The following GUCY1A2 variants were observed in gnomAD, a reference collection of about 807,000 sequenced individuals.
The protein encoded by GUCY1A2 is guanylate cyclase soluble subunit alpha-2.
GUCY1A2 carries 27 observed loss-of-function variants against 63.5 expected under a neutral mutation model. The ratio of observed to expected loss-of-function variants is 0.43; its 90% CI spans 0.31 to 0.59. The LOEUF is 0.59. GUCY1A2 is among the 20% of genes least tolerant of loss of function. The pLI is 0.11. For missense variants in GUCY1A2, 768 were observed against 913.3 expected (o/e 0.84, Z 2.05); for synonymous variants, 364 against 343.5 (o/e 1.06, Z -0.66).
intron 6 of GUCY1A2, among the ~76,000 whole-genome samples, chr11:106,720,604 G>A (rs1195531552): frequency 2.0e-5 from 3 of 151,976 alleles, no homozygotes; most frequent in Non-Finnish European, 4.4e-5. Flanking sequence ...TGATTAAATA[G>A]TCATGCAGTG....
At position 106,713,537 on chromosome 11, in the gene GUCY1A2, C is replaced by T. The variant is rs1412777122; in HGVS notation, c.1837-4871G>A. ...TTTTTTTTTTTTTGAGACGGAGTCT[C>T]GTCCTGTTGCCCAGGCTGGAGTGCA... On this transcript the variant is annotated intron_variant, in intron 6 of 7. Coordinates refer to ENST00000526355, the MANE Select transcript of GUCY1A2 (RefSeq NM_000855.3). Among the ~76,000 whole-genome samples the T allele has an allele frequency of 8.6e-5, 10 of 116,714 alleles. No individual in the cohort carries two copies. The East Asian group carries it at 2.2e-3, about 25-fold the overall frequency. 76.6% of individuals were successfully genotyped at this position (116,714 alleles called of 152,430 possible). A position where few individuals can be genotyped will look rare whatever the true frequency, so the allele number is the denominator to read the frequency against.
At chr11:106,755,723 G>T (rs968110276) in intron 6 of GUCY1A2, among the ~76,000 whole-genome samples, 6 of 152,040 alleles carry the variant, frequency 3.9e-5, no homozygotes, top group African/African-American at 1.4e-4. Flanking sequence ...AGTTTGTTGT[G>T]ATTTCTGTTC....
chr11:106,735,249 A>T (rs1480164574), intron 6 of GUCY1A2, among the ~76,000 whole-genome samples: 1 of 152,096 alleles, frequency 6.6e-6, no homozygotes, highest in African/African-American at 2.4e-5. Flanking sequence ...GTATCTAAGT[A>T]TATTGTTGTA....
intron 4 of GUCY1A2, among the ~76,000 whole-genome samples, chr11:106,929,449 C>T (rs1240535362): frequency 6.6e-6 from 1 of 152,152 alleles, no homozygotes; most frequent in Non-Finnish European, 1.5e-5. Flanking sequence ...TTCTAAATCT[C>T]TCTACTCCAC....
At chr11:107,000,089 T>C (rs1861593121) in intron 1 of GUCY1A2, among the ~76,000 whole-genome samples, 1 of 152,160 alleles carries the variant, frequency 6.6e-6, no homozygotes, top group African/African-American at 2.4e-5. Context: ...TCCCATCCAT[T>C]CTCCTTCAGC....
At chr11:106,780,868 C>T (rs1206940271) in intron 5 of GUCY1A2, among the ~76,000 whole-genome samples, 1 of 152,046 alleles carries the variant, frequency 6.6e-6, no homozygotes, top group African/African-American at 2.4e-5. Flanking sequence ...ACACAACAGT[C>T]TTAATGCAGC....
At chr11:106,805,738 G>A (rs7114133) in intron 5 of GUCY1A2, among the ~76,000 whole-genome samples, 21,331 of 152,060 alleles carry the variant, frequency 0.14, 1,513 homozygotes, top group Middle Eastern at 0.18. Flanking sequence ...TTCTAACAAA[G>A]AGAAAAGATG....
In GUCY1A2 at chr11:106,760,109, G is replaced by A. The variant is rs894900641; in HGVS notation, c.1836+16330C>T. 1.8e-4 allele frequency among the ~76,000 whole-genome samples: 27 copies of A among 152,064 alleles called. 1 individual carries two copies. Among genetic ancestry groups the A allele is most frequent in the Non-Finnish European group, 5.9e-5 (4 of 68,028 alleles). ...AATAAAACATGTCTTCAAATAAAAC[G>A]GCCAACACGTTGATCTCGGGATTCT... On this transcript the variant is annotated intron_variant, in intron 6 of 7. Coordinates refer to ENST00000526355, the MANE Select transcript of GUCY1A2 (RefSeq NM_000855.3).
At chr11:106,942,215 C>T (rs1302847235) in intron 3 of GUCY1A2, among the ~76,000 whole-genome samples, 1 of 152,050 alleles carries the variant, frequency 6.6e-6, no homozygotes, top group African/African-American at 2.4e-5. Context: ...GCTGTTTTTC[C>T]TTTAATTTGA....
intron 4 of GUCY1A2, among the ~76,000 whole-genome samples, chr11:106,931,717 A>G (rs768576251): frequency 5.9e-5 from 9 of 152,238 alleles, no homozygotes; most frequent in Non-Finnish European, 1.0e-4. Context: ...ATGATGGCAA[A>G]CCAAAAGAAA....
intron 5 of GUCY1A2, among the ~76,000 whole-genome samples, chr11:106,797,474 A>T (rs1269112289): frequency 1.3e-5 from 2 of 152,202 alleles, no homozygotes; most frequent in African/African-American, 4.8e-5. Context: ...TCAACAAAAT[A>T]TACATTCTTC....
rs1332546414 is a variant in GUCY1A2, at chr11:106,776,705, A to G, written c.1693-123T>C. 4.7e-6 allele frequency: 4 copies of G among 844,426 alleles called. No individual in the cohort carries two copies. The African/African-American group carries it at 5.0e-5, about 11-fold the overall frequency. The allele number at this position is 844,426 out of a possible 1,614,324, so 52.3% of individuals were successfully genotyped here. A position where few individuals can be genotyped will look rare whatever the true frequency, so the allele number is the denominator to read the frequency against. On this transcript the variant is annotated intron_variant, in intron 5 of 7. Coordinates refer to ENST00000526355, the MANE Select transcript of GUCY1A2 (RefSeq NM_000855.3). ...CGGCAAAACATCAATAAATTAAGCA[A>G]TTAGACTACTGTTTATAATCACAGC...
intron 1 of GUCY1A2, among the ~76,000 whole-genome samples, chr11:106,999,322 T>C (rs1460163077): frequency 2.0e-5 from 3 of 152,196 alleles, no homozygotes; most frequent in Admixed American, 2.0e-4. Context: ...GTAACCTTAA[T>C]CCATAATATA....
At chr11:106,856,975 G>A (rs1859445196) in intron 4 of GUCY1A2, among the ~76,000 whole-genome samples, 1 of 152,130 alleles carries the variant, frequency 6.6e-6, no homozygotes, top group South Asian at 2.1e-4. Context: ...CAAATAACTG[G>A]TATGTTCCCT....
At chr11:106,935,293 A>C (rs1162844574) in intron 4 of GUCY1A2, among the ~76,000 whole-genome samples, 2 of 152,144 alleles carry the variant, frequency 1.3e-5, no homozygotes, top group Non-Finnish European at 2.9e-5. Context: ...AAGGAACACA[A>C]CTAATAATAG....
At chr11:106,846,635 C>T (rs1954865) in intron 4 of GUCY1A2, among the ~76,000 whole-genome samples, 136,718 of 151,476 alleles carry the variant, frequency 0.9, 61,801 homozygotes, top group East Asian at 1. Context: ...TTCCCAGACG[C>T]TCTGACCTCT....
intron 6 of GUCY1A2, among the ~76,000 whole-genome samples, chr11:106,735,636 G>T (rs974728809): frequency 3.3e-5 from 5 of 152,038 alleles, no homozygotes; most frequent in African/African-American, 1.2e-4. Context: ...TCCTTTCTGT[G>T]GGGTATATAA....
chr11:106,702,758 T>C (rs1862838877), intron 7 of GUCY1A2, among the ~76,000 whole-genome samples: 1 of 152,076 alleles, frequency 6.6e-6, no homozygotes, highest in African/African-American at 2.4e-5. Context: ...TGGGGCTATA[T>C]TTCCAGGCAG....
intron 4 of GUCY1A2, among the ~76,000 whole-genome samples, chr11:106,874,590 T>G (rs888501531): frequency 6.6e-6 from 1 of 152,114 alleles, no homozygotes; most frequent in Non-Finnish European, 1.5e-5. Context: ...GTGCCACTTA[T>G]ACGTAGAATT....
Sources: gnomAD v4.1 joint callset for allele counts (sites outside exome capture counted in the v4.1 genomes callset) on GRCh38, gnomAD v4.1.1 for gene constraint, MANE v1.5 for transcripts, NCBI Gene and HGNC (gene_info 2026-07-23, HGNC 2026-07-21) for gene names.